Variants in APOH observed in about 807,000 individuals in gnomAD.
APOH encodes the protein apolipoprotein H, also known as beta-2-glycoprotein 1.
APOH carries 48 observed loss-of-function variants against 39.8 expected under a neutral mutation model. The ratio of observed to expected loss-of-function variants is 1.21; its 90% CI spans 0.96 to 1.54. The LOEUF (loss-of-function observed/expected upper bound fraction) is 1.54, where lower values mean the gene tolerates loss of function less well. Among genes scored for constraint, APOH ranks in the 40% most tolerant of loss-of-function variants. APOH has a pLI of 0.00. For synonymous variants in APOH, 153 were observed against 151.1 expected (o/e 1.01, Z -0.09); for missense variants, 415 against 421.2 (o/e 0.99, Z 0.13).
At chr17:66,221,213 A>G (rs1247353518) in intron 4 of APOH, among the ~76,000 whole-genome samples, 6 of 147,268 alleles carry the variant, frequency 4.1e-5, no homozygotes, top group African/African-American at 1.0e-4. Context: ...GAAAGAAGGA[A>G]GGAAATAAAT....
chr17:66,214,966 G>A (rs370784227), intron 6 of APOH, among the ~76,000 whole-genome samples: 1 of 149,202 alleles, frequency 6.7e-6, no homozygotes, highest in Non-Finnish European at 1.5e-5. Flanking sequence ...GACATTTCAT[G>A]TAAGCCTACT....
chr17:66,221,830 T>C (rs2073404590), intron 4 of APOH, among the ~76,000 whole-genome samples: 1 of 152,138 alleles, frequency 6.6e-6, no homozygotes, highest in African/African-American at 2.4e-5. Context: ...TAAAAGAAGA[T>C]AGTGCTGACC....
chr17:66,212,380 T>C (rs1419299976), intron 7 of APOH, among the ~76,000 whole-genome samples, 192 bp from the exon 8 acceptor site: 2 of 152,140 alleles, frequency 1.3e-5, no homozygotes, highest in Admixed American at 1.3e-4. Context: ...CATTTTCTTT[T>C]TCTTTTTCTT....
At chr17:66,216,352 G>A (rs1482354944) in intron 6 of APOH, among the ~76,000 whole-genome samples, 1 of 151,790 alleles carries the variant, frequency 6.6e-6, no homozygotes, top group Non-Finnish European at 1.5e-5. Context: ...GTGTGGTGGT[G>A]GGGTGCCTGT....
At chr17:66,212,686 T>G (rs2073343265) in intron 7 of APOH, among the ~76,000 whole-genome samples, 1 of 152,210 alleles carries the variant, frequency 6.6e-6, no homozygotes, top group Non-Finnish European at 1.5e-5. Flanking sequence ...GCCAAGATCC[T>G]CATTTTCAAG....
At chr17:66,225,351 G>A (rs1283582235) in intron 3 of APOH, among the ~76,000 whole-genome samples, 1 of 152,174 alleles carries the variant, frequency 6.6e-6, no homozygotes, top group African/African-American at 2.4e-5. Context: ...CCCACCACAA[G>A]TGATTGCTTC....
At chr17:66,223,481 G>C (rs2073415035) in intron 4 of APOH, among the ~76,000 whole-genome samples, 1 of 152,192 alleles carries the variant, frequency 6.6e-6, no homozygotes, top group South Asian at 2.1e-4. Flanking sequence ...GCGAGGTGGA[G>C]AATACAGAAT....
Position 66,216,778 on chromosome 17 carries a change from A to G in APOH, c.784+10T>C. 6.4e-7 allele frequency: 1 copy of G among 1,568,506 alleles called. No individual in the cohort carries two copies. Among genetic ancestry groups the G allele is most frequent in the Non-Finnish European group, 8.6e-7 (1 of 1,159,406 alleles). ...AGAGATCTTACAGGACCTCGCCTAT[A>G]TTTCCATACCTTTACAACTTGGCAT... On this transcript the variant is annotated intron_variant, in intron 6 of 7. Coordinates refer to ENST00000205948, the MANE Select transcript of APOH (RefSeq NM_000042.3).
intron 7 of APOH, among the ~76,000 whole-genome samples, chr17:66,213,587 G>A (rs565961485): frequency 5.3e-5 from 8 of 152,148 alleles, no homozygotes; most frequent in Admixed American, 1.3e-4. Flanking sequence ...ATACAAGATG[G>A]CATCATTCAC....
intron 6 of APOH, among the ~76,000 whole-genome samples, chr17:66,215,609 C>A (rs1386090180): frequency 6.6e-6 from 1 of 152,216 alleles, no homozygotes; most frequent in African/African-American, 2.4e-5. Context: ...CAGAGTTCCT[C>A]TTTCTGCTTA....
Position 66,226,051 on chromosome 17 carries a change from C to A in APOH, c.315G>T (p.Thr105=), listed in dbSNP as rs769331420. 3.1e-6 allele frequency: 5 copies of A among 1,612,338 alleles called. No homozygotes were observed. Among genetic ancestry groups the A allele is most frequent in the South Asian group, 2.2e-5 (2 of 90,534 alleles). The change falls in exon 3 of 8, where the codon ACG becomes ACT. Residue 105 remains threonine, a synonymous_variant. Transcript: ENST00000205948. Reference sequence around the variant, plus strand: ...ACCCAGTGTTACAAGAAAAACTGATCGTGTTGGGATATTCAAAAGTCGTAT... The same window carrying A: ...ACCCAGTGTTACAAGAAAAACTGATAGTGTTGGGATATTCAAAAGTCGTAT... ...VRYTTFEYPN[T]ISFSCNTGFY...
chr17:66,213,085 C>T (rs2073345034), intron 7 of APOH, among the ~76,000 whole-genome samples: 1 of 152,160 alleles, frequency 6.6e-6, no homozygotes, highest in Admixed American at 6.5e-5. Context: ...TTATCATTCC[C>T]TTCTCTCCCA....
At chr17:66,212,271 A>C in intron 7 of APOH, 83 bp from the exon 8 acceptor site, 1 of 1,191,200 alleles carries the variant, frequency 8.4e-7, no homozygotes, top group Admixed American at 1.8e-5. Context: ...AACCAAATAC[A>C]TTTTACGAGT....
chr17:66,224,147 A>G (rs924158820), intron 3 of APOH, among the ~76,000 whole-genome samples: 6 of 152,196 alleles, frequency 3.9e-5, no homozygotes, highest in Non-Finnish European at 5.9e-5. Flanking sequence ...ACTGACACCA[A>G]TGAATAAAAG....
rs770893310 is a variant in APOH, at chr17:66,223,705, G to A, written c.408C>T (p.Val136=). 7 of 1,614,154 alleles carry A rather than the reference G, an allele frequency of 4.3e-6. No individual in the cohort carries two copies. In the South Asian group the frequency reaches 6.6e-5, roughly 15 times the overall value. Residue 136 remains valine, a synonymous_variant, in exon 4 of 8, where the codon GTC becomes GTT. Coordinates refer to ENST00000205948, the MANE Select transcript of APOH (RefSeq NM_000042.3). ...CCTTGCCCACAGACTTACGAGCACA[G>A]ACAGGAAGCTCCGGGCTCCATTTTC... ...EEGKWSPELP[V]CAPIICPPPS...
At chr17:66,226,443 GC>G (rs1273096584) in intron 2 of APOH, among the ~76,000 whole-genome samples, 1 of 152,142 alleles carries the variant, frequency 6.6e-6, no homozygotes, top group Non-Finnish European at 1.5e-5. Flanking sequence ...TTTGAGACCA[GC>G]CTGAACATGG....
intron 5 of APOH, among the ~76,000 whole-genome samples, 155 bp downstream of exon 5, chr17:66,220,399 A>G (rs1270491101): frequency 6.6e-6 from 1 of 152,244 alleles, no homozygotes; most frequent in Non-Finnish European, 1.5e-5. Flanking sequence ...GGGAATCCAC[A>G]GTGCCCAGCA....
At position 66,221,249 on chromosome 17, in the gene APOH, AAGAG is replaced by A. The variant is rs773552923; in HGVS notation, c.416-511_416-508del. The stretch of plus-strand genomic sequence containing the variant: ...AAATAAATAAATAAAGACAGAAAGA[AAGAG>A]AGAGAGAGAAAGAAAGGAAGGAAGG... On this transcript the variant is annotated intron_variant, in intron 4 of 7. Transcript: ENST00000205948. Among the ~76,000 whole-genome samples the A allele has an allele frequency of 3.7e-3, 495 of 132,340 alleles. 3 individuals carry two copies. The highest frequency in any genetic ancestry group is 0.012 in the African/African-American group (404 of 33,382). The allele number at this position is 132,340 out of a possible 152,430, so 86.8% of individuals were successfully genotyped here. A position where few individuals can be genotyped will look rare whatever the true frequency, so the allele number is the denominator to read the frequency against.
intron 6 of APOH, 134 bp from the exon 7 acceptor site, chr17:66,214,784 T>C (rs1259333113): frequency 7.2e-6 from 5 of 697,426 alleles, no homozygotes; most frequent in African/African-American, 3.6e-5. Flanking sequence ...AGAATATATA[T>C]AGTAAGTAAT....
Sources: allele counts gnomAD v4.1 joint callset (sites outside exome capture counted in the v4.1 genomes callset), GRCh38; gene constraint gnomAD v4.1.1; transcripts MANE v1.5; gene names NCBI Gene and HGNC (gene_info 2026-07-23, HGNC 2026-07-21).